Variants in PXYLP1 observed in about 807,000 individuals in gnomAD.
The protein encoded by PXYLP1 is 2-phosphoxylose phosphatase 1.
In PXYLP1, 17 loss-of-function variants were observed where a neutral mutation model predicts 37.9. The ratio of observed to expected loss-of-function variants is 0.45; its 90% CI spans 0.31 to 0.67. The LOEUF is 0.67. PXYLP1 is among the 30% of genes least tolerant of loss of function. The probability of loss-of-function intolerance (pLI) is 0.07; values close to 1 mark genes in which losing one functional copy is unlikely to be tolerated. For missense variants in PXYLP1, 511 were observed against 612.0 expected, an observed-to-expected ratio of 0.84 and a Z score of 1.74; for synonymous variants, 221 against 232.2, an observed-to-expected ratio of 0.95 and a Z score of 0.44.
intron 1 of PXYLP1, among the ~76,000 whole-genome samples, chr3:141,251,122 A>T (rs1941130426): frequency 6.6e-6 from 1 of 152,220 alleles, no homozygotes; most frequent in African/African-American, 2.4e-5. Flanking sequence ...CAAGTTCTAG[A>T]TCGGAAATTG....
rs145945203 is a variant in PXYLP1 at position 141,261,764 on chromosome 3, T to G, written c.79+1510T>G. On this transcript the variant is annotated intron_variant, in intron 2 of 5. Transcript: ENST00000286353. The stretch of plus-strand genomic sequence containing the variant: ...CCAGGAACCAGCACTGCCTAGCACG[T>G]AGTAATATTTTGTAAATGTCTGCTG... Among the ~76,000 whole-genome samples the G allele has an allele frequency of 4.5e-4, 69 of 152,304 alleles. 1 individual carries two copies. Among genetic ancestry groups the G allele is most frequent in the African/African-American group, 1.5e-3 (62 of 41,550 alleles).
At chr3:141,243,832 G>A (rs1223685987) in intron 1 of PXYLP1, among the ~76,000 whole-genome samples, 1 of 152,224 alleles carries the variant, frequency 6.6e-6, no homozygotes, top group African/African-American at 2.4e-5. Flanking sequence ...AGAGGATACT[G>A]TTTGAAAACC....
At chr3:141,263,230 TC>T (rs1156501737) in intron 2 of PXYLP1, among the ~76,000 whole-genome samples, 5 of 152,252 alleles carry the variant, frequency 3.3e-5, no homozygotes, top group Non-Finnish European at 7.3e-5. Flanking sequence ...TTGACGTTTT[TC>T]TACACTGTGG....
intron 1 of PXYLP1, among the ~76,000 whole-genome samples, chr3:141,253,609 T>C (rs1044122438): frequency 6.6e-6 from 1 of 151,774 alleles, no homozygotes; most frequent in East Asian, 1.9e-4. Context: ...ACTGGTTTGA[T>C]AGAGCCTAGT....
rs1475887840 is a variant in PXYLP1 at position 141,284,560 on chromosome 3, T to A, written c.366-2754T>A. Among the ~76,000 whole-genome samples the A allele has an allele frequency of 1.3e-5, 2 of 152,188 alleles. 1 individual carries two copies. Among genetic ancestry groups the A allele is most frequent in the South Asian group, 4.1e-4 (2 of 4,834 alleles). On this transcript the variant is annotated intron_variant, in intron 4 of 5. Transcript: ENST00000286353. ...CATCCATAGAGGATTGGTTCCAGGA[T>A]CCTCCTTGGATACCAGAATCTGAGA...
At chr3:141,249,802 G>A (rs1276286974) in intron 1 of PXYLP1, among the ~76,000 whole-genome samples, 2 of 152,122 alleles carry the variant, frequency 1.3e-5, no homozygotes, top group East Asian at 1.9e-4. Flanking sequence ...AAGCAGTAAC[G>A]TTGGATGGAA....
At chr3:141,268,568 G>GTGC (rs1218180258) in intron 2 of PXYLP1, among the ~76,000 whole-genome samples, 1 of 152,236 alleles carries the variant, frequency 6.6e-6, no homozygotes, top group Non-Finnish European at 1.5e-5. Context: ...AATGAAGTGA[G>GTGC]TGCTGATCAG....
intron 1 of PXYLP1, among the ~76,000 whole-genome samples, chr3:141,255,175 T>C (rs920152348): frequency 1.3e-5 from 2 of 152,258 alleles, no homozygotes; most frequent in Non-Finnish European, 2.9e-5. Context: ...CTCAGACTTG[T>C]AATAAGGTTG....
chr3:141,253,576 C>A (rs1345585528), intron 1 of PXYLP1, among the ~76,000 whole-genome samples: 1 of 152,046 alleles, frequency 6.6e-6, no homozygotes, highest in African/African-American at 2.4e-5. Context: ...AGCCTGGATG[C>A]AGTCTTCTTT....
chr3:141,231,873 CG>C lies in PXYLP1; in HGVS notation c.-91del, dbSNP rs1421877706. 6.6e-6 allele frequency: 1 copy of C among 151,124 alleles called. No individual in the cohort carries two copies. The highest frequency in any genetic ancestry group is 1.5e-5 in the Non-Finnish European group (1 of 67,716). 9.4% of individuals were successfully genotyped at this position (151,124 alleles called of 1,614,324 possible). A position where few individuals can be genotyped will look rare whatever the true frequency, so the allele number is the denominator to read the frequency against. ...CTGGCGGCGAGCGCCGAGCCGGGCG[CG>C]CAGCGACGGAGCTGGGGCCGGCCTG... is the stretch of plus-strand genomic sequence containing the variant. On this transcript the variant is annotated 5_prime_UTR_variant, in exon 1 of 6. Transcript: ENST00000286353. This position sits in a 1 kb window ranked among gnomAD's most constrained non-coding sequence, Gnocchi z 4.4.
chr3:141,282,198 C>T (rs78415444), intron 4 of PXYLP1, among the ~76,000 whole-genome samples: 6,789 of 152,192 alleles, frequency 0.045, 250 homozygotes, highest in East Asian at 0.12. Context: ...TGCGCTTCAG[C>T]CACAATGCTC....
intron 4 of PXYLP1, among the ~76,000 whole-genome samples, chr3:141,282,592 G>A (rs949042141): frequency 6.6e-6 from 1 of 152,006 alleles, no homozygotes; most frequent in Admixed American, 6.6e-5. Context: ...ATTTGTTTTT[G>A]TTCACTGCTG....
intron 2 of PXYLP1, among the ~76,000 whole-genome samples, chr3:141,277,841 C>T (rs1941835202): frequency 6.6e-6 from 1 of 152,170 alleles, no homozygotes; most frequent in African/African-American, 2.4e-5. Context: ...ATGCCTTGGT[C>T]CTTGGCTTTC....
chr3:141,269,159 C>T (rs1478780057), intron 2 of PXYLP1, among the ~76,000 whole-genome samples: 1 of 152,236 alleles, frequency 6.6e-6, no homozygotes, highest in Non-Finnish European at 1.5e-5. Context: ...GGCAGACAAC[C>T]CACCCACCCT....
intron 2 of PXYLP1, among the ~76,000 whole-genome samples, chr3:141,274,967 G>C (rs1178971245): frequency 1.3e-5 from 2 of 152,192 alleles, no homozygotes; most frequent in Non-Finnish European, 2.9e-5. Flanking sequence ...GAGCAGCTCA[G>C]AACAGTGAGA....
chr3:141,285,645 A>G (rs139439829), intron 4 of PXYLP1, among the ~76,000 whole-genome samples: 84 of 152,328 alleles, frequency 5.5e-4, no homozygotes, highest in African/African-American at 1.9e-3. Flanking sequence ...TCCATTTCTA[A>G]AATTGGCAGC....
chr3:141,261,912 C>T lies in PXYLP1; in HGVS notation c.79+1658C>T, dbSNP rs1344944640. 2.0e-5 allele frequency: 3 copies of T among 152,232 alleles called. No individual in the cohort carries two copies. The East Asian group carries it at 5.8e-4, about 29-fold the overall frequency. 9.4% of individuals were successfully genotyped at this position (152,232 alleles called of 1,614,324 possible). A position where few individuals can be genotyped will look rare whatever the true frequency, so the allele number is the denominator to read the frequency against. On this transcript the variant is annotated intron_variant, in intron 2 of 5. Transcript: ENST00000286353. ...GCCAGGAATTGTGTTGTTGCTGTCACCTGCCTTCTCTCCGTTTAACCACCT... is the reference window on the plus strand; with the variant it reads ...GCCAGGAATTGTGTTGTTGCTGTCATCTGCCTTCTCTCCGTTTAACCACCT...
intron 2 of PXYLP1, among the ~76,000 whole-genome samples, chr3:141,265,528 C>T (rs754299687): frequency 4.6e-5 from 7 of 151,912 alleles, no homozygotes; most frequent in Non-Finnish European, 8.8e-5. Flanking sequence ...CTGTTTTGCT[C>T]ATCTAGTAGC....
intron 2 of PXYLP1, among the ~76,000 whole-genome samples, chr3:141,264,505 T>G (rs1228480709): frequency 6.6e-6 from 1 of 152,224 alleles, no homozygotes; most frequent in African/African-American, 2.4e-5. Context: ...ATGTGACACT[T>G]TGTTCTTTAG....
Sources: gnomAD v4.1 joint callset for allele counts (sites outside exome capture counted in the v4.1 genomes callset) on GRCh38, gnomAD v4.1.1 for gene constraint, Gnocchi (gnomAD v3.1) non-coding constraint, MANE v1.5 for transcripts, NCBI Gene and HGNC (gene_info 2026-07-23, HGNC 2026-07-21) for gene names.